Variants in AMPD3 observed in about 807,000 individuals in gnomAD.
The protein encoded by AMPD3 is AMP deaminase 3.
A neutral mutation model predicts 82.3 loss-of-function variants in AMPD3; 57 were observed. The ratio of observed to expected loss-of-function variants is 0.69; its 90% confidence interval spans 0.56 to 0.86. The LOEUF (loss-of-function observed/expected upper bound fraction) is 0.86, where lower values mean the gene tolerates loss of function less well. Ranked by LOEUF, AMPD3 falls within the 40% of genes least tolerant of loss-of-function variation. AMPD3 has a pLI of 0.00. For missense variants in AMPD3, 870 were observed against 1,003.8 expected (o/e 0.87, Z 1.80); for synonymous variants, 381 against 394.7 (o/e 0.97, Z 0.41).
chr11:10,495,201 A>T (rs1849357799), intron 8 of AMPD3, 171 bp downstream of exon 8: 1 of 985,282 alleles, frequency 1.0e-6, no homozygotes, highest in Admixed American at 6.1e-5. Flanking sequence ...TGCCTGCTCC[A>T]GGCAGTGCTG....
intron 5 of AMPD3, chr11:10,486,523 C>T (rs778546022): frequency 1.6e-5 from 16 of 980,494 alleles, no homozygotes; most frequent in Non-Finnish European, 1.9e-5. Flanking sequence ...GGCCCCTTCT[C>T]TGAGTTGGTG....
rs367675746 is a variant in AMPD3 at position 10,502,261 on chromosome 11, G to A, written c.1843-460G>A. 3.7e-4 allele frequency: 363 copies of A among 985,448 alleles called. 11 individuals carry two copies. In the South Asian group the frequency reaches 0.014, roughly 39 times the overall value. 61.0% of individuals were successfully genotyped at this position (985,448 alleles called of 1,614,324 possible). On this transcript the variant is annotated intron_variant, in intron 12 of 14. Transcript: ENST00000396553. ...GTAGAAAACCACTCTATCCTGGGCA[G>A]GTCCACCCCTCCCATCCCTTCAGGG...
chr11:10,456,396 G>T lies in AMPD3; in HGVS notation c.-6+948G>T. Reference sequence around the variant, plus strand: ...ATCTTCAGGACCAGTCATGGAGCCAGGCTCAGGTCTGTGTCGGGGCTTCTG... The same window carrying T: ...ATCTTCAGGACCAGTCATGGAGCCATGCTCAGGTCTGTGTCGGGGCTTCTG... On this transcript the variant is annotated intron_variant, in intron 1 of 14. Coordinates refer to ENST00000396553, the MANE Select transcript of AMPD3 (RefSeq NM_001025389.2). This position sits in a 1 kb window ranked among gnomAD's most constrained non-coding sequence, Gnocchi z 4.3. 1 of 1,613,814 alleles carries T rather than the reference G, an allele frequency of 6.2e-7. No individual in the cohort carries two copies. Among genetic ancestry groups the T allele is most frequent in the Non-Finnish European group, 8.5e-7 (1 of 1,179,718 alleles).
intron 2 of AMPD3, among the ~76,000 whole-genome samples, chr11:10,467,100 G>A (rs1848443497): frequency 6.6e-6 from 1 of 152,164 alleles, no homozygotes; most frequent in Non-Finnish European, 1.5e-5. Flanking sequence ...AAACCAGAAT[G>A]CCTCTTCTCC....
In AMPD3 at chr11:10,493,332, T is replaced by C; in HGVS notation, c.940-17T>C. 1.9e-6 allele frequency: 3 copies of C among 1,613,936 alleles called. No individual in the cohort carries two copies. The highest frequency in any genetic ancestry group is 2.5e-6 in the Non-Finnish European group (3 of 1,180,018). ...GGAGGTGGCCTGACTCAGGGCCTGG[T>C]GGGCGCTGTGTTCCAGGTGGACACA... is the stretch of plus-strand genomic sequence containing the variant. On this transcript the variant is annotated splice_polypyrimidine_tract_variant and intron_variant, in intron 6 of 14. Coordinates refer to ENST00000396553, the MANE Select transcript of AMPD3 (RefSeq NM_001025389.2).
At chr11:10,490,429 T>C in intron 6 of AMPD3, 1 of 953,534 alleles carries the variant, frequency 1.0e-6, no homozygotes, top group Non-Finnish European at 1.2e-6. Context: ...CTGTGTTCGA[T>C]TATTGATGCC....
intron 2 of AMPD3, among the ~76,000 whole-genome samples, chr11:10,467,309 A>C (rs537802531): frequency 6.6e-6 from 1 of 152,362 alleles, no homozygotes; most frequent in Admixed American, 6.5e-5. Flanking sequence ...AAACCAGTTT[A>C]GAGAAGAACA....
chr11:10,504,031 T>G (rs1263267582), intron 13 of AMPD3: 2 of 984,570 alleles, frequency 2.0e-6, no homozygotes, highest in Non-Finnish European at 2.4e-6. Context: ...CAGATCATTC[T>G]GGGATTACAC....
At position 10,496,720 on chromosome 11, in the gene AMPD3, A is replaced by G. The variant is rs1297779464; in HGVS notation, c.1431-92A>G. 1.7e-5 allele frequency: 28 copies of G among 1,600,674 alleles called. No individual in the cohort carries two copies. The Admixed American group carries it at 4.4e-4, about 25-fold the overall frequency. ...TTGATTCTGGGTGTTTGATGGGGAC[A>G]CAGGGTGCCTGAGGAAGTGACTGGG... On this transcript the variant is annotated intron_variant, in intron 9 of 14. Coordinates refer to ENST00000396553, the MANE Select transcript of AMPD3 (RefSeq NM_001025389.2).
chr11:10,496,976 G>C, intron 10 of AMPD3, 38 bp downstream of exon 10: 5 of 1,609,640 alleles, frequency 3.1e-6, no homozygotes, highest in Non-Finnish European at 4.3e-6. Flanking sequence ...GCTCATAGCG[G>C]CAGAGGCAGG....
intron 7 of AMPD3, chr11:10,494,687 T>A (rs1161402014): frequency 1.0e-6 from 1 of 985,268 alleles, no homozygotes; most frequent in Non-Finnish European, 1.2e-6. Flanking sequence ...CTGCTGTTCC[T>A]TCACAGGGGG....
chr11:10,486,475 C>G (rs1194272544), intron 5 of AMPD3: 1 of 838,852 alleles, frequency 1.2e-6, no homozygotes, highest in East Asian at 1.2e-4. Context: ...CAGTGAGCAC[C>G]CCCATCCCCA....
At chr11:10,499,210 G>GT (rs1347792295) in intron 10 of AMPD3, 11 of 152,458 alleles carry the variant, frequency 7.2e-5, no homozygotes, top group Non-Finnish European at 1.0e-4. Flanking sequence ...CCCAGAACCT[G>GT]TTTTTTTTGT....
At chr11:10,485,788 T>A (rs1218116538) in intron 5 of AMPD3, among the ~76,000 whole-genome samples, 2 of 152,034 alleles carry the variant, frequency 1.3e-5, no homozygotes, top group Admixed American at 1.3e-4. Flanking sequence ...TGGTGCACCA[T>A]GATGCTCGTG....
intron 2 of AMPD3, among the ~76,000 whole-genome samples, chr11:10,469,830 G>A (rs530514914): frequency 2.0e-5 from 3 of 152,158 alleles, no homozygotes; most frequent in African/African-American, 7.2e-5. Flanking sequence ...ACGAGGTCAG[G>A]AGATCGAGAC....
intron 2 of AMPD3, among the ~76,000 whole-genome samples, chr11:10,472,039 C>T (rs1461865701): frequency 6.6e-6 from 1 of 152,154 alleles, no homozygotes; most frequent in East Asian, 1.9e-4. Flanking sequence ...GACTTGGAAC[C>T]CACCCAAATG....
chr11:10,482,014 G>A, intron 3 of AMPD3, 49 bp from the exon 4 acceptor site: 2 of 1,612,338 alleles, frequency 1.2e-6, no homozygotes, highest in Non-Finnish European at 1.7e-6. Flanking sequence ...AAGGATGGCA[G>A]TCTCAGGCCT....
At chr11:10,471,348 A>G (rs1478538539) in intron 2 of AMPD3, among the ~76,000 whole-genome samples, 2 of 152,266 alleles carry the variant, frequency 1.3e-5, no homozygotes, top group African/African-American at 2.4e-5. Flanking sequence ...CCTAAACCAT[A>G]AAAACCCTAG....
rs754355489 is a variant in AMPD3, at chr11:10,482,140, C to A, written c.504C>A (p.Leu168=). The A allele has an allele frequency of 6.2e-7, 1 of 1,614,134 alleles. No individual in the cohort carries two copies. Among genetic ancestry groups the A allele is most frequent in the East Asian group, 2.2e-5 (1 of 44,884 alleles). The change falls in exon 4 of 15, where the codon CTC becomes CTA. Residue 168 remains leucine, a synonymous_variant. Coordinates refer to ENST00000396553, the MANE Select transcript of AMPD3 (RefSeq NM_001025389.2). ...ALMIREKYAR[L]AYHRFPRITS... is the part of the protein sequence containing the mutation. ...TGATCCGGGAGAAGTATGCGCGGCTCGCCTACCACCGCTTCCCGCGGATCA... is the reference window on the plus strand; with the variant it reads ...TGATCCGGGAGAAGTATGCGCGGCTAGCCTACCACCGCTTCCCGCGGATCA...
Sources: allele counts gnomAD v4.1 joint callset (sites outside exome capture counted in the v4.1 genomes callset), GRCh38; gene constraint gnomAD v4.1.1; non-coding constraint Gnocchi (gnomAD v3.1); transcripts MANE v1.5; gene names NCBI Gene and HGNC (gene_info 2026-07-23, HGNC 2026-07-21).